The following OTUD7A variants were observed in gnomAD, a reference collection of about 807,000 sequenced individuals.
The protein encoded by OTUD7A is OTU deubiquitinase 7A.
OTUD7A carries 12 observed loss-of-function variants against 65.7 expected under a neutral mutation model. The observed-to-expected ratio is 0.18, with a 90% CI of 0.12 to 0.30. The LOEUF is 0.30. Ranked by LOEUF, OTUD7A falls within the 10% of genes least tolerant of loss-of-function variation. The pLI is 1.00. For missense variants in OTUD7A, 1,148 were observed against 1,304.8 expected, an observed-to-expected ratio of 0.88 and a Z score of 1.85; for synonymous variants, 641 against 586.3, an observed-to-expected ratio of 1.09 and a Z score of -1.35.
At chr15:31,733,670 G>C (rs952347064) in intron 1 of OTUD7A, among the ~76,000 whole-genome samples, 3 of 152,258 alleles carry the variant, frequency 2.0e-5, no homozygotes, top group East Asian at 1.9e-4. Context: ...CATAATACCC[G>C]ACAAATATCT....
At chr15:31,709,104 C>T (rs1402010211) in intron 1 of OTUD7A, among the ~76,000 whole-genome samples, 1 of 151,464 alleles carries the variant, frequency 6.6e-6, no homozygotes, top group African/African-American at 2.5e-5. Flanking sequence ...ACAGGCCACT[C>T]CCAGGTCGTG....
At chr15:31,829,009 C>T (rs1896866416) in intron 1 of OTUD7A, among the ~76,000 whole-genome samples, 2 of 152,324 alleles carry the variant, frequency 1.3e-5, no homozygotes, top group Middle Eastern at 3.4e-3. Context: ...GCATTTGATG[C>T]CCCTGGTCCA....
intron 1 of OTUD7A, among the ~76,000 whole-genome samples, chr15:31,865,377 A>G (rs1463559738): frequency 6.6e-6 from 1 of 152,128 alleles, no homozygotes; most frequent in Non-Finnish European, 1.5e-5. Context: ...CCAAGATAAA[A>G]GGGTATTGCA....
intron 3 of OTUD7A, among the ~76,000 whole-genome samples, chr15:31,611,188 C>T (rs970626859): frequency 1.3e-5 from 2 of 152,050 alleles, no homozygotes; most frequent in African/African-American, 4.8e-5. Flanking sequence ...CCCTACACGC[C>T]TACATCAAAA....
intron 1 of OTUD7A, among the ~76,000 whole-genome samples, chr15:31,852,128 A>G (rs1345679741): frequency 1.3e-5 from 2 of 152,086 alleles, no homozygotes; most frequent in African/African-American, 2.4e-5. Flanking sequence ...AAGTGCTGGG[A>G]TTACAGGCAT....
At chr15:31,822,896 C>T (rs1462340979) in intron 1 of OTUD7A, among the ~76,000 whole-genome samples, 1 of 152,142 alleles carries the variant, frequency 6.6e-6, no homozygotes, top group East Asian at 1.9e-4. Flanking sequence ...ACAATAACTA[C>T]TTAAAAAGAC....
intron 1 of OTUD7A, among the ~76,000 whole-genome samples, chr15:31,664,134 C>A (rs971511733): frequency 6.6e-6 from 1 of 152,160 alleles, no homozygotes; most frequent in Non-Finnish European, 1.5e-5. Context: ...TACAAACATG[C>A]GTGTGCAAGT....
chr15:31,575,421 A>G (rs908026454), intron 3 of OTUD7A, among the ~76,000 whole-genome samples: 5 of 152,258 alleles, frequency 3.3e-5, no homozygotes, highest in Non-Finnish European at 5.9e-5. Flanking sequence ...GAAACTTTAT[A>G]AAGTGGAAAC....
intron 6 of OTUD7A, 140 bp from the exon 7 acceptor site, chr15:31,527,448 T>A: frequency 8.8e-7 from 1 of 1,133,732 alleles, no homozygotes; most frequent in Non-Finnish European, 1.2e-6. Flanking sequence ...GCGGTTCTGT[T>A]AATTCCCCTC....
chr15:31,617,933 C>T (rs1166762841), intron 3 of OTUD7A, among the ~76,000 whole-genome samples: 2 of 146,922 alleles, frequency 1.4e-5, no homozygotes, highest in African/African-American at 5.1e-5. Flanking sequence ...GCCCCCTCCG[C>T]CCACCCCAAA....
intron 1 of OTUD7A, among the ~76,000 whole-genome samples, chr15:31,817,714 C>G (rs1190680240): frequency 3.3e-5 from 5 of 152,184 alleles, no homozygotes; most frequent in Admixed American, 1.3e-4. Flanking sequence ...CAAGGGCCAG[C>G]AGAGCCTGAA....
intron 5 of OTUD7A, chr15:31,558,435 C>G (rs1888569589): frequency 6.5e-6 from 1 of 154,330 alleles, no homozygotes; most frequent in African/African-American, 2.4e-5. Flanking sequence ...AACCTGGAAG[C>G]TGGAAGAGGC....
chr15:31,729,177 T>C (rs959259902), intron 1 of OTUD7A, among the ~76,000 whole-genome samples: 3 of 152,306 alleles, frequency 2.0e-5, no homozygotes, highest in Admixed American at 6.5e-5. Context: ...TTAGTATATA[T>C]AGGGTTTGGT....
intron 10 of OTUD7A, among the ~76,000 whole-genome samples, chr15:31,493,740 C>G (rs966823944): frequency 6.6e-6 from 1 of 152,150 alleles, no homozygotes; most frequent in Non-Finnish European, 1.5e-5. Context: ...ACTCAAACAG[C>G]CTGTTTCTAA....
At chr15:31,777,267 A>T (rs765684941) in intron 1 of OTUD7A, among the ~76,000 whole-genome samples, 1 of 152,110 alleles carries the variant, frequency 6.6e-6, no homozygotes, top group South Asian at 2.1e-4. Flanking sequence ...CTCATTCCAC[A>T]TGACCTTATC....
intron 1 of OTUD7A, among the ~76,000 whole-genome samples, chr15:31,858,960 TCTC>T (rs1191803057): frequency 6.6e-6 from 1 of 152,292 alleles, no homozygotes; most frequent in African/African-American, 2.4e-5. Flanking sequence ...CCATCCTCAG[TCTC>T]CTCAACTGTA....
At chr15:31,844,355 A>G (rs1897252654) in intron 1 of OTUD7A, among the ~76,000 whole-genome samples, 1 of 152,338 alleles carries the variant, frequency 6.6e-6, no homozygotes. Context: ...AAATACAAAA[A>G]TTAGCCAGGC....
At chr15:31,685,866 G>T (rs1892824668) in intron 1 of OTUD7A, among the ~76,000 whole-genome samples, 1 of 152,198 alleles carries the variant, frequency 6.6e-6, no homozygotes, top group Non-Finnish European at 1.5e-5. Flanking sequence ...TGGGTTCCTG[G>T]CCTTCTCTTG....
Position 31,498,515 on chromosome 15 carries a change from G to A in OTUD7A, c.1171+3175C>T, listed in dbSNP as rs553733327. Among the ~76,000 whole-genome samples the A allele has an allele frequency of 1.3e-5, 2 of 152,178 alleles. No individual in the cohort carries two copies. Among genetic ancestry groups the A allele is most frequent in the Middle Eastern group, 6.8e-3 (2 of 294 alleles). ...GGTTCTATGTTTCCAGGAACTATGC[G>A]GCACCTCTGCTTCTCCTGTTAATTG... On this transcript the variant is annotated intron_variant, in intron 10 of 12. Coordinates refer to ENST00000307050, the MANE Select transcript of OTUD7A (RefSeq NM_001382637.1). This position sits in a 1 kb window ranked among gnomAD's most constrained non-coding sequence, Gnocchi z 4.2.
Sources: allele counts gnomAD v4.1 joint callset (sites outside exome capture counted in the v4.1 genomes callset), GRCh38; gene constraint gnomAD v4.1.1; non-coding constraint Gnocchi (gnomAD v3.1); transcripts MANE v1.5; gene names NCBI Gene and HGNC (gene_info 2026-07-23, HGNC 2026-07-21).